CTNND2: variants seen among roughly 807,000 people sequenced by gnomAD.
CTNND2 encodes catenin delta-2.
A neutral mutation model predicts 144.4 loss-of-function variants in CTNND2; 22 were observed. The ratio of observed to expected loss-of-function variants is 0.15; its 90% CI spans 0.11 to 0.22. The LOEUF is 0.22. CTNND2 is among the 10% of genes least tolerant of loss of function. The probability of loss-of-function intolerance (pLI) is 1.00; values close to 1 mark genes in which losing one functional copy is unlikely to be tolerated. For missense variants in CTNND2, 1,353 were observed against 1,618.8 expected, an observed-to-expected ratio of 0.84 and a Z score of 2.82; for synonymous variants, 751 against 695.6, an observed-to-expected ratio of 1.08 and a Z score of -1.25.
intron 9 of CTNND2, among the ~76,000 whole-genome samples, chr5:11,309,505 G>A (rs1750584449): frequency 6.6e-6 from 1 of 152,180 alleles, no homozygotes; most frequent in Non-Finnish European, 1.5e-5. Flanking sequence ...TGAAACAGGT[G>A]TATTTACCCA....
chr5:11,247,159 G>A (rs575059521), intron 9 of CTNND2, among the ~76,000 whole-genome samples: 48 of 152,270 alleles, frequency 3.2e-4, no homozygotes, highest in African/African-American at 1.1e-3. Context: ...AAAGGCCCCC[G>A]CTGGATGCTA....
At chr5:11,120,352 C>G (rs1394664566) in intron 12 of CTNND2, among the ~76,000 whole-genome samples, 2 of 151,402 alleles carry the variant, frequency 1.3e-5, no homozygotes, top group African/African-American at 4.9e-5. Context: ...TACATATAGA[C>G]TTCAAGAGGG....
chr5:11,858,943 T>C (rs531334990), intron 1 of CTNND2, among the ~76,000 whole-genome samples: 2 of 152,112 alleles, frequency 1.3e-5, no homozygotes, highest in Non-Finnish European at 2.9e-5. Flanking sequence ...AAAGAGTAAG[T>C]AAGAATAAAA....
chr5:11,306,936 C>A (rs570578999), intron 9 of CTNND2, among the ~76,000 whole-genome samples: 1 of 152,102 alleles, frequency 6.6e-6, no homozygotes, highest in Admixed American at 6.5e-5. Flanking sequence ...TGTGTCCCTG[C>A]GGGAGCATGC....
chr5:11,709,621 AG>A (rs1178695191), intron 2 of CTNND2, among the ~76,000 whole-genome samples: 1 of 152,192 alleles, frequency 6.6e-6, no homozygotes, highest in Admixed American at 6.5e-5. Flanking sequence ...CAACATAAAA[AG>A]TTAACAATTC....
chr5:11,220,415 G>A (rs967690674), intron 10 of CTNND2, among the ~76,000 whole-genome samples: 1 of 152,172 alleles, frequency 6.6e-6, no homozygotes, highest in Admixed American at 6.5e-5. Context: ...GGGAAATGCA[G>A]ACAGGAGCTT....
Position 11,411,460 on chromosome 5 carries a change from A to G in CTNND2, c.439+76T>C, listed in dbSNP as rs984429425. The G allele has an allele frequency of 5.2e-6, 4 of 771,964 alleles. No individual in the cohort carries two copies. In the African/African-American group the frequency reaches 5.2e-5, roughly 10 times the overall value. 47.8% of individuals were successfully genotyped at this position (771,964 alleles called of 1,614,324 possible). On this transcript the variant is annotated intron_variant, in intron 5 of 21. Coordinates refer to ENST00000304623, the MANE Select transcript of CTNND2 (RefSeq NM_001332.4). ...ATCCTCATTTGATATGGCTCATAAC[A>G]GTAATGATATTAGAAATAATGACAT...
intron 1 of CTNND2, among the ~76,000 whole-genome samples, chr5:11,767,460 G>A (rs184796972): frequency 3.3e-5 from 5 of 152,268 alleles, no homozygotes. Flanking sequence ...TCTGTCCTAA[G>A]ACAAAAGATC....
At chr5:11,432,357 T>G (rs537273286) in intron 3 of CTNND2, among the ~76,000 whole-genome samples, 1 of 151,586 alleles carries the variant, frequency 6.6e-6, no homozygotes, top group South Asian at 2.1e-4. Flanking sequence ...TTGAGCCAGA[T>G]TTTGAAAGAA....
intron 3 of CTNND2, among the ~76,000 whole-genome samples, chr5:11,412,999 G>T (rs774306235): frequency 2.8e-4 from 42 of 152,172 alleles, no homozygotes; most frequent in Admixed American, 4.6e-4. Context: ...GAGAAAAAGG[G>T]AATTCTGGGT....
intron 12 of CTNND2, among the ~76,000 whole-genome samples, chr5:11,128,758 A>ATATTATATATAAATATATAT (rs1282089219): frequency 2.8e-5 from 1 of 35,568 alleles, no homozygotes; most frequent in African/African-American, 1.4e-4. Context: ...TATTATATAT[A>ATATTATATATAAATATATAT]AATATATATA....
At chr5:11,146,835 C>T (rs1757288163) in intron 12 of CTNND2, among the ~76,000 whole-genome samples, 1 of 152,190 alleles carries the variant, frequency 6.6e-6, no homozygotes, top group Non-Finnish European at 1.5e-5. Flanking sequence ...CAGCAACACA[C>T]ACACTGGAAA....
chr5:11,033,065 G>C (rs560925933), intron 16 of CTNND2, among the ~76,000 whole-genome samples: 1 of 152,172 alleles, frequency 6.6e-6, no homozygotes, highest in Non-Finnish European at 1.5e-5. Context: ...GGATGCATAG[G>C]ACCCCTCCTT....
chr5:11,393,373 G>C (rs902465553), intron 6 of CTNND2, among the ~76,000 whole-genome samples: 1 of 152,292 alleles, frequency 6.6e-6, no homozygotes, highest in South Asian at 2.1e-4. Flanking sequence ...CTTTAGGCTT[G>C]TGTACTCCTT....
intron 20 of CTNND2, among the ~76,000 whole-genome samples, chr5:10,986,083 G>C (rs1037229239): frequency 2.6e-5 from 4 of 152,206 alleles, no homozygotes; most frequent in African/African-American, 9.7e-5. Flanking sequence ...CTACATGATT[G>C]AGAGTGTACT....
intron 9 of CTNND2, among the ~76,000 whole-genome samples, chr5:11,254,796 C>T (rs775532932): frequency 3.9e-5 from 6 of 152,202 alleles, no homozygotes; most frequent in Non-Finnish European, 7.3e-5. Context: ...AGCCTCCCTT[C>T]CCAACTAAGA....
intron 7 of CTNND2, 96 bp from the exon 8 acceptor site, chr5:11,364,986 G>T: frequency 1.9e-6 from 2 of 1,039,282 alleles, no homozygotes; most frequent in Non-Finnish European, 2.8e-6. Context: ...GGACAAAATT[G>T]TTGAAATTCC....
chr5:11,535,753 C>A (rs980646149), intron 3 of CTNND2, among the ~76,000 whole-genome samples: 4 of 152,170 alleles, frequency 2.6e-5, no homozygotes, highest in African/African-American at 9.7e-5. Flanking sequence ...GGTTAACTTA[C>A]AAAGATCTTT....
At chr5:11,100,942 G>A (rs141355466) in intron 14 of CTNND2, among the ~76,000 whole-genome samples, 18 of 152,216 alleles carry the variant, frequency 1.2e-4, no homozygotes, top group South Asian at 2.1e-4. Context: ...GGTTAAGTCC[G>A]TAGAAAATTT....
Sources: gnomAD v4.1 joint callset for allele counts (sites outside exome capture counted in the v4.1 genomes callset) on GRCh38, gnomAD v4.1.1 for gene constraint, MANE v1.5 for transcripts, NCBI Gene and HGNC (gene_info 2026-07-23, HGNC 2026-07-21) for gene names.